The following S100A8 variants were observed in gnomAD, a reference collection of about 807,000 sequenced individuals.
S100A8 encodes the protein S100 calcium binding protein A8.
S100A8 carries 1 observed loss-of-function variant against 4.2 expected under a neutral mutation model. The ratio of observed to expected loss-of-function variants is 0.24; its 90% CI spans 0.08 to 1.12. The LOEUF is 1.12. Ranked by LOEUF, S100A8 falls within the 50% of genes most tolerant of loss-of-function variation. S100A8 has a pLI of 0.53. For missense variants in S100A8, 96 were observed against 111.8 expected, an observed-to-expected ratio of 0.86 and a Z score of 0.64; for synonymous variants, 41 against 44.7, an observed-to-expected ratio of 0.92 and a Z score of 0.33.
At chr1:153,393,620 G>C (rs537483245), upstream of S100A8, among the ~76,000 whole-genome samples, 103 of 152,198 alleles carry the variant, frequency 6.8e-4, no homozygotes, top group Admixed American at 1.6e-3. Flanking sequence ...GCTCCATCTA[G>C]GAAAACAACG....
At chr1:153,399,352 C>G in the S100A8 span, among the ~76,000 whole-genome samples, 2 of 152,170 alleles carry the variant, frequency 1.3e-5, no homozygotes, top group Admixed American at 6.5e-5. Context: ...GTTTCAGGGG[C>G]CCACATCCCT....
upstream of S100A8, among the ~76,000 whole-genome samples, chr1:153,391,739 C>T (rs1225599888): frequency 6.6e-6 from 1 of 152,186 alleles, no homozygotes; most frequent in African/African-American, 2.4e-5. Flanking sequence ...GGACCATGCC[C>T]TGGGAGATGG....
the S100A8 span, among the ~76,000 whole-genome samples, chr1:153,410,454 C>T: frequency 1.3e-5 from 2 of 152,104 alleles, no homozygotes; most frequent in Non-Finnish European, 2.9e-5. Flanking sequence ...CCTGAATAGA[C>T]CAATAACAGG....
intron 1 of S100A8, chr1:153,390,766 A>G (rs376172374): frequency 1.3e-5 from 8 of 627,628 alleles, no homozygotes; most frequent in African/African-American, 1.1e-4. Flanking sequence ...TCACACAGAG[A>G]CATGTGCACA....
At chr1:153,412,688 T>C in the S100A8 span, among the ~76,000 whole-genome samples, 44 of 152,306 alleles carry the variant, frequency 2.9e-4, no homozygotes, top group Non-Finnish European at 4.4e-5. Flanking sequence ...TGCACACGTA[T>C]GTTTATTGCA....
chr1:153,417,250 G>C, the S100A8 span: 1 of 152,322 alleles, frequency 6.6e-6, no homozygotes, highest in African/African-American at 2.4e-5. Flanking sequence ...GCCCAGGCTG[G>C]CTACTGGCTG....
At chr1:153,401,850 G>T in the S100A8 span, among the ~76,000 whole-genome samples, 1 of 152,180 alleles carries the variant, frequency 6.6e-6, no homozygotes, top group African/African-American at 2.4e-5. Context: ...GATGAATCGG[G>T]TTATACTGAT....
the S100A8 span, among the ~76,000 whole-genome samples, chr1:153,402,257 C>A: frequency 0.017 from 2,540 of 152,220 alleles, 71 homozygotes; most frequent in African/African-American, 0.058. Context: ...TTAACAATTG[C>A]TGAAAAAGCC....
chr1:153,398,429 G>A, the S100A8 span, among the ~76,000 whole-genome samples: 8 of 145,490 alleles, frequency 5.5e-5, no homozygotes, highest in South Asian at 4.9e-4. Flanking sequence ...TCCTTCCCCC[G>A]GGCATGGATC....
chr1:153,417,919 C>A, the S100A8 span: 1 of 987,738 alleles, frequency 1.0e-6, no homozygotes, highest in Non-Finnish European at 1.4e-6. Flanking sequence ...TTTTGAACAA[C>A]TTATCCCATC....
intron 1 of S100A8, 112 bp from the exon 2 acceptor site, chr1:153,390,669 C>T: frequency 7.6e-7 from 1 of 1,317,042 alleles, no homozygotes; most frequent in Non-Finnish European, 1.0e-6. Context: ...CCTGCACTCT[C>T]CAAATAACCA....
the S100A8 span, among the ~76,000 whole-genome samples, chr1:153,416,310 G>A: frequency 1.3e-5 from 2 of 152,200 alleles, no homozygotes; most frequent in African/African-American, 4.8e-5. Flanking sequence ...TTGAGCCAGA[G>A]AAGGCCCCAG....
chr1:153,406,754 G>C, the S100A8 span, among the ~76,000 whole-genome samples: 1 of 152,124 alleles, frequency 6.6e-6, no homozygotes, highest in Non-Finnish European at 1.5e-5. Flanking sequence ...CAATCAGCCT[G>C]TTGTGAGCTC....
chr1:153,392,122 A>G (rs552271763), upstream of S100A8, among the ~76,000 whole-genome samples: 2 of 152,378 alleles, frequency 1.3e-5, no homozygotes, highest in South Asian at 4.1e-4. Context: ...TATCCAGAAT[A>G]TAAAAGAATC....
At chr1:153,420,997 C>G in the S100A8 span, 1 of 152,274 alleles carries the variant, frequency 6.6e-6, no homozygotes, top group Non-Finnish European at 1.5e-5. Context: ...TGCTTAGAAC[C>G]GTCATGCCAG....
At chr1:153,397,816 C>A in the S100A8 span, among the ~76,000 whole-genome samples, 2 of 152,276 alleles carry the variant, frequency 1.3e-5, no homozygotes, top group African/African-American at 4.8e-5. Flanking sequence ...CCGGGACAGG[C>A]TCTCCCAGCT....
At chr1:153,394,412 T>C (rs1373812687), upstream of S100A8, among the ~76,000 whole-genome samples, 1 of 152,118 alleles carries the variant, frequency 6.6e-6, no homozygotes, top group Admixed American at 6.5e-5. Flanking sequence ...TCTTCATGCC[T>C]CTAGACACAG....
the S100A8 span, among the ~76,000 whole-genome samples, chr1:153,399,602 T>A: frequency 1.3e-5 from 2 of 152,060 alleles, no homozygotes; most frequent in African/African-American, 4.8e-5. Flanking sequence ...GGCCTTCTGC[T>A]AGGCAATATG....
At chr1:153,419,363 C>G in the S100A8 span, 1 of 1,522,640 alleles carries the variant, frequency 6.6e-7, no homozygotes, top group Non-Finnish European at 8.9e-7. Context: ...GTGTCTCCTC[C>G]CACCAGACAC....
Sources: gnomAD v4.1 joint callset for allele counts (sites outside exome capture counted in the v4.1 genomes callset) on GRCh38, gnomAD v4.1.1 for gene constraint, MANE v1.5 for transcripts, NCBI Gene and HGNC (gene_info 2026-07-23, HGNC 2026-07-21) for gene names.